Variants in RFX7 observed in about 807,000 individuals in gnomAD.
The protein encoded by RFX7 is DNA-binding protein RFX7.
RFX7 carries 26 observed loss-of-function variants against 111.8 expected under a neutral mutation model. The observed-to-expected ratio is 0.23, with a 90% CI of 0.17 to 0.32. The LOEUF (loss-of-function observed/expected upper bound fraction) is 0.32. RFX7 is among the 10% of genes least tolerant of loss of function. The probability of loss-of-function intolerance (pLI) is 1.00; values close to 1 mark genes in which losing one functional copy is unlikely to be tolerated. For missense variants in RFX7, 1,573 were observed against 1,772.9 expected, an observed-to-expected ratio of 0.89 and a Z score of 2.02; for synonymous variants, 624 against 624.4, an observed-to-expected ratio of 1.00 and a Z score of 0.01.
upstream of RFX7, chr15:56,244,055 T>A (rs1230279268): frequency 6.6e-6 from 1 of 150,890 alleles, no homozygotes; most frequent in East Asian, 2.0e-4. Context: ...CCGGCCCGGC[T>A]GGTGGAGAGC....
In RFX7 at chr15:56,102,157, C is replaced by A. The variant is rs1309195294; in HGVS notation, c.603+12G>T. ...AATTTTACTTATTAAAAAGAAAAGG[C>A]TGAATTCTTACCCCATCTCCAGTTT... On this transcript the variant is annotated intron_variant, in intron 7 of 9. Coordinates refer to ENST00000559447, the MANE Select transcript of RFX7 (RefSeq NM_022841.7). 6.3e-7 allele frequency: 1 copy of A among 1,588,206 alleles called. No individual in the cohort carries two copies. The highest frequency in any genetic ancestry group is 1.7e-5 in the Admixed American group (1 of 58,540).
At chr15:56,188,907 A>C (rs1212108374) in intron 2 of RFX7, among the ~76,000 whole-genome samples, 2 of 152,024 alleles carry the variant, frequency 1.3e-5, no homozygotes, top group African/African-American at 4.8e-5. Context: ...ATCTCGGCTC[A>C]CTGCAACCTC....
chr15:56,218,144 C>CTTTTTTTTTTTTTTTTT (rs869249448), intron 2 of RFX7, among the ~76,000 whole-genome samples: 1 of 57,976 alleles, frequency 1.7e-5, no homozygotes, highest in Non-Finnish European at 3.1e-5. Flanking sequence ...AAATGATTTT[C>CTTTTTTTTTTTTTTTTT]TTTTTTTTTT....
At chr15:56,190,166 A>G (rs377604602) in intron 2 of RFX7, among the ~76,000 whole-genome samples, 8 of 152,230 alleles carry the variant, frequency 5.3e-5, no homozygotes, top group South Asian at 2.1e-4. Flanking sequence ...AAAATTAGAA[A>G]AAGTATCTGT....
chr15:56,238,561 A>C (rs574267944), intron 2 of RFX7, among the ~76,000 whole-genome samples: 1 of 152,284 alleles, frequency 6.6e-6, no homozygotes, highest in East Asian at 1.9e-4. Context: ...CTCTTTCCAT[A>C]AAGTGGGCAA....
chr15:56,120,063 T>C (rs2042057186), intron 5 of RFX7, among the ~76,000 whole-genome samples: 1 of 152,188 alleles, frequency 6.6e-6, no homozygotes, highest in Non-Finnish European at 1.5e-5. Flanking sequence ...GGTATTTTGA[T>C]AGACACTTCA....
intron 3 of RFX7, among the ~76,000 whole-genome samples, chr15:56,146,537 A>G (rs944090856): frequency 9.9e-5 from 15 of 152,202 alleles, no homozygotes; most frequent in Non-Finnish European, 2.1e-4. Flanking sequence ...AAAGAAAAAA[A>G]TCTACTGTTG....
chr15:56,177,679 C>G (rs1337824929), intron 3 of RFX7, among the ~76,000 whole-genome samples: 2 of 152,140 alleles, frequency 1.3e-5, no homozygotes, highest in African/African-American at 4.8e-5. Flanking sequence ...GAGTGATCCT[C>G]CAAAGTTATC....
intron 2 of RFX7, among the ~76,000 whole-genome samples, chr15:56,227,676 G>T (rs529461607): frequency 2.6e-5 from 4 of 152,164 alleles, no homozygotes; most frequent in Admixed American, 6.5e-5. Context: ...TGACACTGTT[G>T]TTATTCATTT....
intron 3 of RFX7, among the ~76,000 whole-genome samples, chr15:56,166,510 T>A (rs2042783919): frequency 6.6e-6 from 1 of 152,178 alleles, no homozygotes; most frequent in South Asian, 2.1e-4. Flanking sequence ...TACTTATGAA[T>A]AATATGTAAA....
chr15:56,142,838 T>C lies in RFX7; in HGVS notation c.341A>G (p.Asn114Ser). 6.2e-7 allele frequency: 1 copy of C among 1,613,634 alleles called. No individual in the cohort carries two copies. The highest frequency in any genetic ancestry group is 8.5e-7 in the Non-Finnish European group (1 of 1,179,708). ...AGTCTCCGGATGTTCCTCTAGGGTA[T>C]TCCGAATCCAGGAAAAGGCATGCAT... Reference protein sequence around the residue: ...QQMHAFSWIRNTLEEHPETSL... With the variant: ...QQMHAFSWIRSTLEEHPETSL... Residue 114 changes from asparagine (N) to serine (S), a missense_variant, in exon 5 of 10, where the codon AAT becomes AGT. Coordinates refer to ENST00000559447, the MANE Select transcript of RFX7 (RefSeq NM_022841.7).
At chr15:56,098,058 C>T (rs79218402) in intron 9 of RFX7, 23 bp downstream of exon 9, 570 of 1,607,344 alleles carry the variant, frequency 3.5e-4, no homozygotes, top group African/African-American at 2.6e-3. Context: ...CCAATAAGGC[C>T]AAATACTATT....
At chr15:56,222,984 T>G (rs1201524774) in intron 2 of RFX7, among the ~76,000 whole-genome samples, 1 of 152,218 alleles carries the variant, frequency 6.6e-6, no homozygotes, top group African/African-American at 2.4e-5. Context: ...GTTAGCTTTA[T>G]GCTTTGTAGA....
chr15:56,172,704 C>A (rs1595985574), intron 3 of RFX7, among the ~76,000 whole-genome samples: 2 of 152,066 alleles, frequency 1.3e-5, no homozygotes, highest in Non-Finnish European at 2.9e-5. Context: ...AGATCATTTA[C>A]CGGCAGCAAG....
intron 3 of RFX7, among the ~76,000 whole-genome samples, chr15:56,156,378 C>A (rs1465989171): frequency 1.3e-5 from 2 of 152,032 alleles, no homozygotes; most frequent in African/African-American, 2.4e-5. Context: ...AGATGCTAAC[C>A]TTTTGGCATG....
At position 56,243,793 on chromosome 15, in the gene RFX7, G is replaced by GCCGCCGCCGCTCGCTCCCGGCC. The variant is rs1567059417; in HGVS notation, c.-352_-351insGGCCGGGAGCGAGCGGCGGCGG. Among the ~76,000 whole-genome samples the GCCGCCGCCGCTCGCTCCCGGCC allele has an allele frequency of 4.7e-5, 7 of 147,946 alleles. No homozygotes were observed. The highest frequency in any genetic ancestry group is 1.7e-4 in the African/African-American group (7 of 40,872). ...GCTCCACGCCACTCCCCACGCCGCCGCCGCCGCCGCCGCTCGCTCCCGGCC... is the reference window on the plus strand; with the variant it reads ...GCTCCACGCCACTCCCCACGCCGCCGCCGCCGCCGCTCGCTCCCGGCCCCGCCGCCGCCGCTCGCTCCCGGCC... On this transcript the variant is annotated 5_prime_UTR_variant, in exon 1 of 10. Transcript: ENST00000559447.
rs1222077275 is a variant in RFX7 at position 56,142,906 on chromosome 15, A to T, written c.279-6T>A. The T allele has an allele frequency of 6.2e-7, 1 of 1,612,852 alleles. No individual in the cohort carries two copies. Among genetic ancestry groups the T allele is most frequent in the Non-Finnish European group, 8.5e-7 (1 of 1,179,538 alleles). On this transcript the variant is annotated splice_region_variant and splice_polypyrimidine_tract_variant and intron_variant, in intron 4 of 9. Coordinates refer to ENST00000559447, the MANE Select transcript of RFX7 (RefSeq NM_022841.7). Reference sequence around the variant, plus strand: ...ATGACATGGCATTCTGATCACTAATAGAATGAAAACATGTTTTAGCTGACC... The same window carrying T: ...ATGACATGGCATTCTGATCACTAATTGAATGAAAACATGTTTTAGCTGACC...
chr15:56,240,587 G>A (rs2043678053), intron 2 of RFX7, among the ~76,000 whole-genome samples: 2 of 152,122 alleles, frequency 1.3e-5, no homozygotes, highest in Admixed American at 6.5e-5. Flanking sequence ...AGAGTAGGAG[G>A]ACAAGTACAG....
intron 2 of RFX7, among the ~76,000 whole-genome samples, chr15:56,195,981 C>T (rs2043143116): frequency 1.3e-5 from 2 of 151,992 alleles, no homozygotes; most frequent in African/African-American, 2.4e-5. Context: ...TATTGTTGTT[C>T]TAAACATAAA....
Sources: allele counts gnomAD v4.1 joint callset (sites outside exome capture counted in the v4.1 genomes callset), GRCh38; gene constraint gnomAD v4.1.1; transcripts MANE v1.5; gene names NCBI Gene and HGNC (gene_info 2026-07-23, HGNC 2026-07-21).